Variants in DHX37 observed in about 807,000 individuals in gnomAD.
The protein encoded by DHX37 is DEAH-box helicase 37.
DHX37 carries 52 observed loss-of-function variants against 134.3 expected under a neutral mutation model. The observed-to-expected ratio is 0.39, with a 90% CI of 0.31 to 0.49. The LOEUF is 0.49. Among genes scored for constraint, DHX37 ranks in the 20% least tolerant of loss-of-function variants. The pLI, the probability that DHX37 is intolerant of heterozygous loss-of-function variation, is 0.93. For missense variants in DHX37, 1,344 were observed against 1,580.8 expected (o/e 0.85, Z 2.54); for synonymous variants, 634 against 670.7 (o/e 0.95, Z 0.85).
rs1342618090 is a variant in DHX37, at chr12:124,964,402, G to A, written c.2037C>T (p.His679=). ...AGRAGRTEPG[H]CYRLYSSAVF... is the part of the protein sequence containing the mutation. ...GAGCCTGGGTGACCCACCTGTAGCAGTGGCCGGGCTCCGTCCGTCCTGCTC... is the reference window on the plus strand; with the variant it reads ...GAGCCTGGGTGACCCACCTGTAGCAATGGCCGGGCTCCGTCCGTCCTGCTC... The change falls in exon 15 of 27, where the codon CAC becomes CAT. Residue 679 remains histidine (H), a synonymous_variant. Coordinates refer to ENST00000308736, the MANE Select transcript of DHX37 (RefSeq NM_032656.4). The A allele has an allele frequency of 6.2e-7, 1 of 1,613,378 alleles. No homozygotes were observed. The highest frequency in any genetic ancestry group is 8.5e-7 in the Non-Finnish European group (1 of 1,179,834).
chr12:124,972,421 C>T lies in DHX37; in HGVS notation c.1077+82G>A, dbSNP rs1954540832. 8 of 1,460,142 alleles carry T rather than the reference C, an allele frequency of 5.5e-6. No homozygotes were observed. In the South Asian group the frequency reaches 9.1e-5, roughly 17 times the overall value. The allele number at this position is 1,460,142 out of a possible 1,614,324, so 90.4% of individuals were successfully genotyped here. A position where few individuals can be genotyped will look rare whatever the true frequency, so the allele number is the denominator to read the frequency against. On this transcript the variant is annotated intron_variant, in intron 7 of 26. Transcript: ENST00000308736. The stretch of plus-strand genomic sequence containing the variant: ...GCTGGATCAACAGGTGGCTTGCCGG[C>T]TGCTCATATCCCAGGTGACATCCTA...
rs745420689 is a variant in DHX37 at position 124,971,377 on chromosome 12, G to A, written c.1116C>T (p.Asp372=). 2.1e-5 allele frequency: 34 copies of A among 1,613,332 alleles called. No individual in the cohort carries two copies. Among genetic ancestry groups the A allele is most frequent in the African/African-American group, 9.3e-5 (7 of 74,932 alleles). Residue 372 remains aspartate, a synonymous_variant, in exon 8 of 27, where the codon GAC becomes GAT. Transcript: ENST00000308736. The part of the protein sequence containing the change: ...LLLRYKVVII[D]EAHERSVYTD... ...TGTACACGCTCCTCTCGTGGGCCTC[G>A]TCGATGATCACCACCTTGTACCGCA...
chr12:124,976,155 C>T (rs1297615674), intron 5 of DHX37, among the ~76,000 whole-genome samples: 3 of 152,212 alleles, frequency 2.0e-5, no homozygotes, highest in African/African-American at 7.2e-5. Flanking sequence ...CCTGTGTGGC[C>T]ACAGGTGGCT....
At chr12:124,974,054 C>T (rs1445599947) in intron 6 of DHX37, among the ~76,000 whole-genome samples, 3 of 151,022 alleles carry the variant, frequency 2.0e-5, no homozygotes, top group Non-Finnish European at 4.4e-5. Flanking sequence ...CCTGGGTTCA[C>T]GCCATTCTCC....
intron 9 of DHX37, 30 bp from the exon 10 acceptor site, chr12:124,968,678 TG>T: frequency 6.2e-7 from 1 of 1,608,060 alleles, no homozygotes; most frequent in Non-Finnish European, 8.5e-7. Context: ...GCATGGGGAG[TG>T]GGGGGGACAC....
chr12:124,964,790 C>T (rs1172250037), intron 14 of DHX37, 140 bp downstream of exon 14: 1 of 1,435,824 alleles, frequency 7.0e-7, no homozygotes, highest in Non-Finnish European at 9.3e-7. Flanking sequence ...CCCTATTCTC[C>T]AAAACTACCC....
intron 21 of DHX37, among the ~76,000 whole-genome samples, chr12:124,951,042 G>A (rs1239834754): frequency 3.9e-5 from 6 of 152,202 alleles, no homozygotes; most frequent in Admixed American, 3.9e-4. Flanking sequence ...AGGCCGAGGA[G>A]GGTGGATCAT....
intron 6 of DHX37, among the ~76,000 whole-genome samples, chr12:124,975,064 C>T (rs1034418821): frequency 5.9e-5 from 9 of 152,232 alleles, no homozygotes; most frequent in Non-Finnish European, 1.2e-4. Flanking sequence ...GCGTGAGCCA[C>T]CACACCCGGC....
Position 124,965,672 on chromosome 12 carries a change from A to C in DHX37, c.1731T>G (p.Asp577Glu), listed in dbSNP as rs764474876. The C allele has an allele frequency of 2.5e-6, 4 of 1,607,052 alleles. No homozygotes were observed. In the Admixed American group the frequency reaches 5.0e-5, roughly 20 times the overall value. ...LDLDLGDGGQDGGEQPDASLP... is the reference protein window; with the variant it reads ...LDLDLGDGGQEGGEQPDASLP... ...GAATCGGTGCTCGGGCCACACCTCC[A>C]TCTTGCCCGCCATCCCCCAGGTCCA... The change falls in exon 13 of 27, where the codon GAT becomes GAG. Residue 577 changes from aspartate (D) to glutamate (E), a missense_variant. Around this residue, in one of 7 missense-constraint regions of DHX37, gnomAD observed 289 missense variants for 323.8 expected, o/e 0.89. Coordinates refer to ENST00000308736, the MANE Select transcript of DHX37 (RefSeq NM_032656.4).
chr12:124,980,959 T>A lies in DHX37; in HGVS notation c.390-121A>T. 1.8e-6 allele frequency: 2 copies of A among 1,105,178 alleles called. No homozygotes were observed. The highest frequency in any genetic ancestry group is 2.5e-6 in the Non-Finnish European group (2 of 790,610). The allele number at this position is 1,105,178 out of a possible 1,614,324, so 68.5% of individuals were successfully genotyped here. A position where few individuals can be genotyped will look rare whatever the true frequency, so the allele number is the denominator to read the frequency against. On this transcript the variant is annotated intron_variant, in intron 3 of 26. Transcript: ENST00000308736. The surrounding 1 kb of genome is among the most constrained non-coding windows in gnomAD (Gnocchi z 5.3). ...GCACCTGCTGTTCCACTCCCTGAAA[T>A]GCCCTTCCTGCAGATACCTCCTCTC...
At chr12:124,976,078 C>T (rs1350580600) in intron 5 of DHX37, among the ~76,000 whole-genome samples, 1 of 152,174 alleles carries the variant, frequency 6.6e-6, no homozygotes, top group East Asian at 1.9e-4. Flanking sequence ...GCAGGGTGGG[C>T]TTAGGCGACC....
At chr12:124,965,634 T>A in intron 13 of DHX37, 34 bp downstream of exon 13, 1 of 1,569,592 alleles carries the variant, frequency 6.4e-7, no homozygotes, top group Non-Finnish European at 8.7e-7. Context: ...GCAGAGATAA[T>A]GAACATGAGC....
chr12:124,971,313 G>A lies in DHX37; in HGVS notation c.1180C>T (p.Leu394Phe), dbSNP rs751721662. ...GCCTCCTGCGCTACCTTAGCCCGGA[G>A]AGTCACAATGCGGGACAGGAGGCCG... is the stretch of plus-strand genomic sequence containing the variant. ...LIGLLSRIVT[L>F]RAKRNLPLKL... The change falls in exon 8 of 27, where the codon CTC becomes TTC. Residue 394 changes from leucine to phenylalanine, a missense_variant. This residue lies in a region of DHX37 where 289 missense variants were observed against 323.8 expected (regional missense o/e 0.89). Transcript: ENST00000308736. 1.2e-6 allele frequency: 2 copies of A among 1,612,812 alleles called. No individual in the cohort carries two copies. The highest frequency in any genetic ancestry group is 1.1e-5 in the South Asian group (1 of 91,040).
chr12:124,964,693 CA>C, intron 14 of DHX37, 67 bp from the exon 15 acceptor site: 1 of 1,585,458 alleles, frequency 6.3e-7, no homozygotes, highest in Non-Finnish European at 8.5e-7. Context: ...AATGGAGGCT[CA>C]AGGACAAAGC....
At chr12:124,976,938 T>G (rs548237305) in intron 5 of DHX37, among the ~76,000 whole-genome samples, 1 of 150,824 alleles carries the variant, frequency 6.6e-6, no homozygotes, top group South Asian at 2.1e-4. Flanking sequence ...TCCCAGCTGT[T>G]GAGGAGGCTG....
rs754596894 is a variant in DHX37 at position 124,950,556 on chromosome 12, G to A, written c.2984-6C>T. The A allele has an allele frequency of 6.5e-7, 1 of 1,545,948 alleles. No individual in the cohort carries two copies. The highest frequency in any genetic ancestry group is 1.4e-5 in the African/African-American group (1 of 72,580). ...GACCTCCACGCTAGAGACGCCTGGG[G>A]GCCGGGGGAGGAAGCTGGGGTTACA... On this transcript the variant is annotated splice_region_variant and splice_polypyrimidine_tract_variant and intron_variant, in intron 22 of 26. Transcript: ENST00000308736.
chr12:124,964,335 C>G, intron 15 of DHX37, 59 bp downstream of exon 15: 2 of 1,601,606 alleles, frequency 1.2e-6, no homozygotes, highest in South Asian at 2.2e-5. Context: ...TTCCCTTGTT[C>G]CTCAGTGGCT....
chr12:124,982,083 A>T (rs1222108014), intron 3 of DHX37, among the ~76,000 whole-genome samples: 1 of 149,918 alleles, frequency 6.7e-6, no homozygotes, highest in East Asian at 2.0e-4. Context: ...AGATCACGCC[A>T]TTGCACTCCA....
At position 124,947,533 on chromosome 12, in the gene DHX37, C is replaced by G. The variant is rs571733169; in HGVS notation, c.*269G>C. 167 of 409,858 alleles carry G rather than the reference C, an allele frequency of 4.1e-4. 1 individual carries two copies. The highest frequency in any genetic ancestry group is 3.2e-3 in the African/African-American group (159 of 50,190). 25.4% of individuals were successfully genotyped at this position (409,858 alleles called of 1,614,324 possible). On this transcript the variant is annotated 3_prime_UTR_variant, in exon 27 of 27. Coordinates refer to ENST00000308736, the MANE Select transcript of DHX37 (RefSeq NM_032656.4). Reference sequence around the variant, plus strand: ...GGACTAATGTAGTCCAAAGAGCACACTGAACAGAACAGCGTCCAGCACGTG... The same window carrying G: ...GGACTAATGTAGTCCAAAGAGCACAGTGAACAGAACAGCGTCCAGCACGTG...
Sources: allele counts gnomAD v4.1 joint callset (sites outside exome capture counted in the v4.1 genomes callset), GRCh38; gene constraint gnomAD v4.1.1; regional missense constraint gnomAD v4.1.1; non-coding constraint Gnocchi (gnomAD v3.1); transcripts MANE v1.5; gene names NCBI Gene and HGNC (gene_info 2026-07-23, HGNC 2026-07-21).